DPYD: variants seen among roughly 807,000 people sequenced by gnomAD.
DPYD encodes dihydropyrimidine dehydrogenase [NADP(+)].
A neutral mutation model predicts 116.2 loss-of-function variants in DPYD; 109 were observed. The ratio of observed to expected loss-of-function variants is 0.94; its 90% CI spans 0.80 to 1.10. The LOEUF is 1.10. DPYD is among the 50% of genes least tolerant of loss of function. The probability of loss-of-function intolerance (pLI) is 0.00; values close to 1 mark genes in which losing one functional copy is unlikely to be tolerated. For synonymous variants in DPYD, 440 were observed against 432.0 expected, an observed-to-expected ratio of 1.02 and a Z score of -0.23; for missense variants, 1,302 against 1,254.5, an observed-to-expected ratio of 1.04 and a Z score of -0.57.
At chr1:97,098,432 T>A in intron 21 of DPYD, 57 bp downstream of exon 21, 2 of 1,568,304 alleles carry the variant, frequency 1.3e-6, no homozygotes, top group Non-Finnish European at 1.8e-6. Flanking sequence ...ATTTTAACTA[T>A]ATTTGTATAT....
intron 9 of DPYD, 85 bp from the exon 10 acceptor site, chr1:97,593,472 T>C (rs1341647029): frequency 7.9e-6 from 12 of 1,512,740 alleles, no homozygotes; most frequent in African/African-American, 1.4e-5. Flanking sequence ...CTCAAAGCAG[T>C]GTAAAATTGC....
intron 16 of DPYD, among the ~76,000 whole-genome samples, chr1:97,358,631 T>G (rs1455225504): frequency 6.6e-6 from 1 of 152,160 alleles, no homozygotes. Flanking sequence ...CAATATTTGC[T>G]GTTCTGCAGC....
intron 7 of DPYD, among the ~76,000 whole-genome samples, chr1:97,688,145 A>T (rs1425973590): frequency 2.0e-5 from 3 of 152,196 alleles, no homozygotes; most frequent in African/African-American, 7.2e-5. Flanking sequence ...AATAAAATAA[A>T]ACTAAATTTA....
intron 16 of DPYD, among the ~76,000 whole-genome samples, chr1:97,358,952 G>A (rs974716104): frequency 2.0e-5 from 3 of 152,174 alleles, no homozygotes; most frequent in Admixed American, 1.3e-4. Context: ...AAGCTGGATG[G>A]AGAATGATTT....
chr1:97,450,564 T>C (rs1676359297), intron 13 of DPYD, among the ~76,000 whole-genome samples: 1 of 152,034 alleles, frequency 6.6e-6, no homozygotes, highest in South Asian at 2.1e-4. Context: ...AATGCAAAAG[T>C]TTATCATTTC....
intron 19 of DPYD, among the ~76,000 whole-genome samples, chr1:97,209,230 AAAGGTAAAT>A (rs987925341): frequency 1.3e-5 from 2 of 152,150 alleles, no homozygotes; most frequent in African/African-American, 4.8e-5. Context: ...AGGTCAAAGA[AAAGGTAAAT>A]AAGGTAAATA....
chr1:97,597,825 T>C (rs1654985345), intron 8 of DPYD, among the ~76,000 whole-genome samples: 1 of 152,160 alleles, frequency 6.6e-6, no homozygotes, highest in Non-Finnish European at 1.5e-5. Context: ...CTAAAATAAG[T>C]CATCTCTATC....
intron 3 of DPYD, among the ~76,000 whole-genome samples, chr1:97,805,202 T>C (rs1334703437): frequency 6.6e-6 from 1 of 151,782 alleles, no homozygotes; most frequent in East Asian, 1.9e-4. Flanking sequence ...AACAATCAAA[T>C]GTCAAACAAA....
intron 20 of DPYD, among the ~76,000 whole-genome samples, chr1:97,127,095 G>A (rs1253785432): frequency 6.6e-6 from 1 of 152,174 alleles, no homozygotes; most frequent in Admixed American, 6.5e-5. Context: ...TCATACAAGG[G>A]AAGTGACACA....
At chr1:97,413,949 T>C (rs1674150742) in intron 14 of DPYD, among the ~76,000 whole-genome samples, 1 of 152,154 alleles carries the variant, frequency 6.6e-6, no homozygotes, top group Non-Finnish European at 1.5e-5. Context: ...CCAAATTATA[T>C]ATAAATAATA....
At chr1:97,761,366 G>T (rs772825046) in intron 3 of DPYD, among the ~76,000 whole-genome samples, 3 of 151,992 alleles carry the variant, frequency 2.0e-5, no homozygotes, top group Non-Finnish European at 4.4e-5. Context: ...GAAAAGAAAA[G>T]AAAGGAGGTA....
intron 20 of DPYD, 97 bp downstream of exon 20, chr1:97,192,972 T>C: frequency 7.2e-7 from 1 of 1,394,724 alleles, no homozygotes; most frequent in Admixed American, 1.7e-5. Context: ...AGGCACTGTG[T>C]TTCCTTTGTT....
chr1:97,686,740 G>A (rs1660757869), intron 7 of DPYD, among the ~76,000 whole-genome samples: 1 of 151,120 alleles, frequency 6.6e-6, no homozygotes, highest in Non-Finnish European at 1.5e-5. Context: ...ATAGGCACGG[G>A]CAAAGATTTC....
intron 19 of DPYD, among the ~76,000 whole-genome samples, chr1:97,220,024 T>C (rs1660680308): frequency 6.6e-6 from 1 of 152,144 alleles, no homozygotes; most frequent in Admixed American, 6.6e-5. Flanking sequence ...GAGGACACTC[T>C]TCTCTCGGGG....
At chr1:97,653,797 G>C (rs149284961) in intron 8 of DPYD, among the ~76,000 whole-genome samples, 1 of 151,936 alleles carries the variant, frequency 6.6e-6, no homozygotes, top group Non-Finnish European at 1.5e-5. Flanking sequence ...GAGTAATAAC[G>C]ATAAAATTCT....
At chr1:97,311,265 A>T (rs72726690) in intron 16 of DPYD, among the ~76,000 whole-genome samples, 2,262 of 151,954 alleles carry the variant, frequency 0.015, 40 homozygotes, top group African/African-American at 0.041. Flanking sequence ...AGCACAATTC[A>T]TAAAGGAGTA....
intron 14 of DPYD, among the ~76,000 whole-genome samples, chr1:97,409,895 T>C (rs1673880942): frequency 1.3e-5 from 2 of 152,060 alleles, no homozygotes; most frequent in South Asian, 4.1e-4. Context: ...CTGGCCAAAA[T>C]GGTGAAACCC....
intron 2 of DPYD, chr1:97,855,971 G>A (rs749287664): frequency 3.3e-5 from 5 of 152,212 alleles, no homozygotes; most frequent in East Asian, 1.9e-4. Flanking sequence ...TCTTGGAGAC[G>A]ACGACATGGA....
intron 3 of DPYD, among the ~76,000 whole-genome samples, chr1:97,779,661 C>T (rs1397655122): frequency 1.3e-5 from 2 of 152,042 alleles, no homozygotes; most frequent in Admixed American, 1.3e-4. Context: ...AAAGTACTTA[C>T]AGAATAATTT....
Sources: allele counts gnomAD v4.1 joint callset (sites outside exome capture counted in the v4.1 genomes callset), GRCh38; gene constraint gnomAD v4.1.1; transcripts MANE v1.5; gene names NCBI Gene and HGNC (gene_info 2026-07-23, HGNC 2026-07-21).